Variants in LUC7L3 observed in about 807,000 individuals in gnomAD.
The protein encoded by LUC7L3 is LUC7 like 3 pre-mRNA splicing factor, also known as luc7-like protein 3.
Under a neutral mutation model 66.8 loss-of-function variants are expected in LUC7L3, and 6 were observed. The ratio of observed to expected loss-of-function variants is 0.09; its 90% CI spans 0.05 to 0.18. LUC7L3 has a LOEUF of 0.18. Among genes scored for constraint, LUC7L3 ranks in the 10% least tolerant of loss-of-function variants. The pLI, the probability that LUC7L3 is intolerant of heterozygous loss-of-function variation, is 1.00. For synonymous variants in LUC7L3, 160 were observed against 174.7 expected (o/e 0.92, Z 0.66); for missense variants, 341 against 531.1 (o/e 0.64, Z 3.52).
chr17:50,745,557 A>T (rs1036472530), intron 7 of LUC7L3, among the ~76,000 whole-genome samples, 163 bp from the exon 8 acceptor site: 6 of 152,242 alleles, frequency 3.9e-5, no homozygotes, highest in Admixed American at 6.5e-5. Context: ...AGGATTAGAC[A>T]AATAATGATA....
At chr17:50,735,384 A>C (rs1471199760) in intron 1 of LUC7L3, among the ~76,000 whole-genome samples, 1 of 152,112 alleles carries the variant, frequency 6.6e-6, no homozygotes, top group Admixed American at 6.5e-5. Context: ...AAAAAGGCCT[A>C]TTTCAGATTT....
Position 50,751,527 on chromosome 17 carries a change from G to A in LUC7L3, c.*866G>A. 2.6e-6 allele frequency: 3 copies of A among 1,173,792 alleles called. No individual in the cohort carries two copies. Among genetic ancestry groups the A allele is most frequent in the Non-Finnish European group, 2.1e-6 (2 of 933,740 alleles). The allele number at this position is 1,173,792 out of a possible 1,614,324, so 72.7% of individuals were successfully genotyped here. A position where few individuals can be genotyped will look rare whatever the true frequency, so the allele number is the denominator to read the frequency against. On this transcript the variant is annotated 3_prime_UTR_variant, in exon 10 of 10. Coordinates refer to ENST00000505658, the MANE Select transcript of LUC7L3 (RefSeq NM_016424.5). The stretch of plus-strand genomic sequence containing the variant: ...CTTATAAAACAAATGTTAACAGAAT[G>A]GAATTTTTTTTCAACTGTATGTAGG...
chr17:50,747,232 C>CTT (rs757254602), intron 9 of LUC7L3, among the ~76,000 whole-genome samples: 28 of 102,968 alleles, frequency 2.7e-4, no homozygotes, highest in South Asian at 9.0e-4. Context: ...TTTTCTTTTT[C>CTT]TTTTTTTTTT....
chr17:50,735,447 T>A (rs1458711489), intron 1 of LUC7L3, among the ~76,000 whole-genome samples: 1 of 152,108 alleles, frequency 6.6e-6, no homozygotes, highest in Non-Finnish European at 1.5e-5. Flanking sequence ...AACACTGCCT[T>A]TTTTTCATTT....
intron 3 of LUC7L3, among the ~76,000 whole-genome samples, 195 bp downstream of exon 3, chr17:50,740,540 C>G (rs1336868395): frequency 6.6e-6 from 1 of 151,982 alleles, no homozygotes; most frequent in East Asian, 1.9e-4. Context: ...CCCTGTATGT[C>G]AGACTTTTTT....
Position 50,751,846 on chromosome 17 carries a change from A to T in LUC7L3, c.*1185A>T. 1 of 1,009,082 alleles carries T rather than the reference A, an allele frequency of 9.9e-7. No individual in the cohort carries two copies. Among genetic ancestry groups the T allele is most frequent in the South Asian group, 4.0e-5 (1 of 24,976 alleles). The allele number at this position is 1,009,082 out of a possible 1,614,324, so 62.5% of individuals were successfully genotyped here. ...GAATTTGGGTTTTTAAAGAAATATT[A>T]AAAGTTAGGTACTGTAAGTGTTCTT... On this transcript the variant is annotated 3_prime_UTR_variant, in exon 10 of 10. Coordinates refer to ENST00000505658, the MANE Select transcript of LUC7L3 (RefSeq NM_016424.5).
In LUC7L3 at chr17:50,719,915, C is replaced by G. The variant is rs534611119; in HGVS notation, c.99+84C>G. On this transcript the variant is annotated intron_variant, in intron 1 of 9. Coordinates refer to ENST00000505658, the MANE Select transcript of LUC7L3 (RefSeq NM_016424.5). ...GGCTGTGGCCCTCCTGGCCGCGGCG[C>G]GATGTGGCCAGGGCCGCACCCGGGG... 5 of 1,335,092 alleles carry G rather than the reference C, an allele frequency of 3.7e-6. No homozygotes were observed. In the South Asian group the frequency reaches 6.7e-5, roughly 18 times the overall value. The allele number at this position is 1,335,092 out of a possible 1,614,324, so 82.7% of individuals were successfully genotyped here. A position where few individuals can be genotyped will look rare whatever the true frequency, so the allele number is the denominator to read the frequency against.
intron 9 of LUC7L3, 22 bp from the exon 10 acceptor site, chr17:50,750,479 T>G: frequency 6.2e-7 from 1 of 1,600,314 alleles, no homozygotes; most frequent in Non-Finnish European, 8.5e-7. Flanking sequence ...AAATCCATGG[T>G]CAATGTCTTC....
At chr17:50,736,656 A>G (rs977017882) in intron 1 of LUC7L3, 5 of 288,196 alleles carry the variant, frequency 1.7e-5, no homozygotes, top group African/African-American at 1.1e-4. Context: ...TTAAAAATAT[A>G]AAAATTGCCC....
intron 9 of LUC7L3, among the ~76,000 whole-genome samples, chr17:50,747,843 G>C (rs1278982200): frequency 6.6e-6 from 1 of 152,184 alleles, no homozygotes; most frequent in African/African-American, 2.4e-5. Flanking sequence ...CTTCCTGCCA[G>C]ATGTGCTAGT....
chr17:50,738,069 A>G (rs1370670338), intron 2 of LUC7L3: 5 of 423,786 alleles, frequency 1.2e-5, no homozygotes, highest in South Asian at 1.7e-5. Flanking sequence ...AAATGAATCT[A>G]TATTTTTATT....
Position 50,752,262 on chromosome 17 carries a change from A to T in LUC7L3, c.*1601A>T, listed in dbSNP as rs1597950204. 7.9e-7 allele frequency: 1 copy of T among 1,270,490 alleles called. No homozygotes were observed. Among genetic ancestry groups the T allele is most frequent in the East Asian group, 5.7e-5 (1 of 17,496 alleles). 78.7% of individuals were successfully genotyped at this position (1,270,490 alleles called of 1,614,324 possible). On this transcript the variant is annotated 3_prime_UTR_variant, in exon 10 of 10. Coordinates refer to ENST00000505658, the MANE Select transcript of LUC7L3 (RefSeq NM_016424.5). ...CGGCATAAAGTGAAGATCGACATTT[A>T]AAAAATGAGGTGAAAGAAAGCTATA...
chr17:50,742,074 T>TTGTGTGTGTGTGTGTGTGTG, intron 5 of LUC7L3, among the ~76,000 whole-genome samples: 1 of 150,770 alleles, frequency 6.6e-6, no homozygotes, highest in Non-Finnish European at 1.5e-5. Context: ...AGACCTCGTC[T>TTGTGTGTGTGTGTGTGTGTG]TGTGTGTGTG....
rs1022051590 is a variant in LUC7L3, at chr17:50,755,305, A to T, written c.*4644A>T. 6.6e-6 allele frequency: 1 copy of T among 151,908 alleles called. No individual in the cohort carries two copies. Among genetic ancestry groups the T allele is most frequent in the Non-Finnish European group, 1.5e-5 (1 of 68,004 alleles). 9.4% of individuals were successfully genotyped at this position (151,908 alleles called of 1,614,324 possible). On this transcript the variant is annotated 3_prime_UTR_variant, in exon 10 of 10. Coordinates refer to ENST00000505658, the MANE Select transcript of LUC7L3 (RefSeq NM_016424.5). ...TCCAAGTTGTTTTCTTTGTGGGGAG[A>T]TGGGAGGTGGGAGGAAATATAAACA...
chr17:50,722,888 G>A (rs1475848880), intron 1 of LUC7L3: 1 of 152,170 alleles, frequency 6.6e-6, no homozygotes, highest in East Asian at 1.9e-4. Context: ...GGATTCATTG[G>A]TACACCCTCC....
intron 1 of LUC7L3, chr17:50,736,726 A>G: frequency 2.4e-6 from 1 of 424,180 alleles, no homozygotes; most frequent in Non-Finnish European, 4.2e-6. Flanking sequence ...GCAGGTGATG[A>G]TTAAAAATAG....
Position 50,737,005 on chromosome 17 carries a change from A to G in LUC7L3, c.145A>G (p.Thr49Ala). ...LCGFCPAELF[T>A]NTRSDLGPCE... ...TGGTTTTTGTCCTGCGGAATTGTTC[A>G]CAAATACACGTTCTGATCTTGGTAA... Residue 49 changes from threonine (T) to alanine (A), a missense_variant, in exon 2 of 10, where the codon ACA (threonine) becomes GCA (alanine). By Grantham distance (58) the Thr-to-Ala change is moderately conservative. This residue lies in a region of LUC7L3 where 86 missense variants were observed against 172.0 expected (regional missense o/e 0.50). Coordinates refer to ENST00000505658, the MANE Select transcript of LUC7L3 (RefSeq NM_016424.5). 2 of 1,609,892 alleles carry G rather than the reference A, an allele frequency of 1.2e-6. No individual in the cohort carries two copies. Among genetic ancestry groups the G allele is most frequent in the Non-Finnish European group, 1.7e-6 (2 of 1,177,744 alleles).
At chr17:50,734,237 A>C (rs1433312930) in intron 1 of LUC7L3, among the ~76,000 whole-genome samples, 15 of 150,304 alleles carry the variant, frequency 1.0e-4, no homozygotes. Flanking sequence ...GCCTAATCTC[A>C]GCTCACCGCA....
chr17:50,743,221 C>A (rs535977655), intron 5 of LUC7L3, among the ~76,000 whole-genome samples: 1 of 150,226 alleles, frequency 6.7e-6, no homozygotes, highest in East Asian at 2.0e-4. Flanking sequence ...AAAAAAAAAA[C>A]AGAGTCTCAC....
Sources: gnomAD v4.1 joint callset for allele counts (sites outside exome capture counted in the v4.1 genomes callset) on GRCh38, gnomAD v4.1.1 for gene constraint, gnomAD v4.1.1 regional missense constraint, MANE v1.5 for transcripts, NCBI Gene and HGNC (gene_info 2026-07-23, HGNC 2026-07-21) for gene names.